Variants in PGGT1B observed in about 807,000 individuals in gnomAD.
PGGT1B encodes geranylgeranyl transferase type-1 subunit beta.
In PGGT1B, 30 loss-of-function variants were observed where a neutral mutation model predicts 46.1. The observed-to-expected ratio is 0.65, with a 90% CI of 0.49 to 0.88. The LOEUF (loss-of-function observed/expected upper bound fraction) is 0.88, where lower values mean the gene tolerates loss of function less well. Among genes scored for constraint, PGGT1B ranks in the 40% least tolerant of loss-of-function variants. The pLI is 0.00. For missense variants in PGGT1B, 376 were observed against 455.9 expected (o/e 0.82, Z 1.60); for synonymous variants, 170 against 160.0 (o/e 1.06, Z -0.47).
intron 6 of PGGT1B, among the ~76,000 whole-genome samples, chr5:115,229,378 C>A (rs559192184): frequency 1.3e-5 from 2 of 152,020 alleles, no homozygotes; most frequent in African/African-American, 4.8e-5. Flanking sequence ...TCCTCTAGGG[C>A]TTTAGGCCTC....
chr5:115,243,981 C>T (rs187997108), intron 2 of PGGT1B, among the ~76,000 whole-genome samples: 14 of 152,206 alleles, frequency 9.2e-5, no homozygotes, highest in African/African-American at 3.1e-4. Context: ...TTTCTGTGTT[C>T]GTCTGCTGTT....
intron 6 of PGGT1B, among the ~76,000 whole-genome samples, chr5:115,228,766 C>A (rs1190818551): frequency 6.6e-6 from 1 of 151,878 alleles, no homozygotes; most frequent in Non-Finnish European, 1.5e-5. Context: ...GGAAGTAGGA[C>A]AAGTGGAATG....
At position 115,262,846 on chromosome 5, in the gene PGGT1B, C is replaced by A. The variant is rs1748627565; in HGVS notation, c.6G>T (p.Ala2=). Reference sequence around the variant, plus strand: ...CTGCTAGCCTCTCATCCTCAGTGGCCGCCATGCTGCTCCGGAAGCGACGTC... The same window carrying A: ...CTGCTAGCCTCTCATCCTCAGTGGCAGCCATGCTGCTCCGGAAGCGACGTC... M[A]ATEDERLAGS... The change falls in exon 1 of 9, where the codon GCG becomes GCT. Residue 2 remains alanine, a synonymous_variant. Transcript: ENST00000419445. The A allele has an allele frequency of 1.9e-6, 3 of 1,612,140 alleles. No homozygotes were observed. The highest frequency in any genetic ancestry group is 2.5e-6 in the Non-Finnish European group (3 of 1,179,868).
At chr5:115,213,691 A>C (rs1445189065) in intron 8 of PGGT1B, among the ~76,000 whole-genome samples, 1 of 152,096 alleles carries the variant, frequency 6.6e-6, no homozygotes, top group Non-Finnish European at 1.5e-5. Context: ...GGCTCACCTG[A>C]GCCTAGGGAG....
chr5:115,262,535 C>G (rs893727411), intron 1 of PGGT1B, 177 bp downstream of exon 1: 1 of 680,818 alleles, frequency 1.5e-6, no homozygotes, highest in African/African-American at 1.8e-5. Context: ...GCCTTCCAGA[C>G]CTTCCCACCG....
intron 1 of PGGT1B, among the ~76,000 whole-genome samples, chr5:115,258,976 G>A (rs1404913676): frequency 3.3e-5 from 5 of 152,114 alleles, no homozygotes; most frequent in South Asian, 2.1e-4. Context: ...GACCTTAGAC[G>A]TTCTCTGCTG....
chr5:115,209,707 T>C lies in PGGT1B; in HGVS notation c.*2695A>G, dbSNP rs1325580112. 5.3e-5 allele frequency: 8 copies of C among 152,146 alleles called. 1 individual carries two copies. The South Asian group carries it at 8.3e-4, about 16-fold the overall frequency. The allele number at this position is 152,146 out of a possible 1,614,324, so 9.4% of individuals were successfully genotyped here. A position where few individuals can be genotyped will look rare whatever the true frequency, so the allele number is the denominator to read the frequency against. Reference sequence around the variant, plus strand: ...GTTAAACTGTTAAGACCTCTTTCTGTTGTAGAAGAGAGGTTTTAATTACAA... The same window carrying C: ...GTTAAACTGTTAAGACCTCTTTCTGCTGTAGAAGAGAGGTTTTAATTACAA... On this transcript the variant is annotated 3_prime_UTR_variant, in exon 9 of 9. Transcript: ENST00000419445.
At chr5:115,223,356 A>G (rs1191575527) in intron 6 of PGGT1B, among the ~76,000 whole-genome samples, 1 of 152,124 alleles carries the variant, frequency 6.6e-6, no homozygotes, top group South Asian at 2.1e-4. Context: ...TGAAATGGGG[A>G]GATTATTCGG....
At chr5:115,262,559 TG>T in intron 1 of PGGT1B, 152 bp downstream of exon 1, 1 of 762,766 alleles carries the variant, frequency 1.3e-6, no homozygotes, top group Non-Finnish European at 2.1e-6. Context: ...GGCGGGAGAG[TG>T]GGGGTAACCT....
chr5:115,234,630 A>G (rs1370964856), intron 5 of PGGT1B, among the ~76,000 whole-genome samples: 1 of 152,102 alleles, frequency 6.6e-6, no homozygotes, highest in African/African-American at 2.4e-5. Flanking sequence ...AAATAAAATA[A>G]GTAACTGGAG....
chr5:115,239,382 A>G (rs1757282673), intron 3 of PGGT1B, among the ~76,000 whole-genome samples: 1 of 152,186 alleles, frequency 6.6e-6, no homozygotes, highest in Admixed American at 6.5e-5. Flanking sequence ...AAATGTACCA[A>G]GCAAATTTCC....
intron 6 of PGGT1B, among the ~76,000 whole-genome samples, chr5:115,227,111 T>C (rs568088416): frequency 1.2e-4 from 18 of 152,190 alleles, no homozygotes; most frequent in African/African-American, 3.6e-4. Context: ...TGGAATCAGA[T>C]TACAGAGGAA....
At chr5:115,224,853 T>C (rs1339247671) in intron 6 of PGGT1B, among the ~76,000 whole-genome samples, 1 of 135,682 alleles carries the variant, frequency 7.4e-6, no homozygotes, top group Non-Finnish European at 1.6e-5. Context: ...AAAAAAAAAG[T>C]AGTAGTATGT....
chr5:115,213,764 C>T (rs1235823371), intron 8 of PGGT1B, among the ~76,000 whole-genome samples: 2 of 152,054 alleles, frequency 1.3e-5, no homozygotes, highest in Non-Finnish European at 2.9e-5. Context: ...ATAATGAAAC[C>T]CTGTCTCAAA....
chr5:115,220,067 T>C (rs1454240542), intron 7 of PGGT1B, among the ~76,000 whole-genome samples: 2 of 151,788 alleles, frequency 1.3e-5, no homozygotes, highest in African/African-American at 4.8e-5. Context: ...AGAACTACCA[T>C]ATGACCCAGC....
At chr5:115,258,876 T>C (rs574831207) in intron 1 of PGGT1B, among the ~76,000 whole-genome samples, 4 of 152,312 alleles carry the variant, frequency 2.6e-5, no homozygotes, top group Non-Finnish European at 5.9e-5. Flanking sequence ...TCCTCAGCTA[T>C]TGCAATATAC....
Position 115,206,134 on chromosome 5 carries a change from T to A in PGGT1B, c.*6268A>T, listed in dbSNP as rs1756055885. On this transcript the variant is annotated 3_prime_UTR_variant, in exon 9 of 9. Coordinates refer to ENST00000419445, the MANE Select transcript of PGGT1B (RefSeq NM_005023.4). ...TTTATGTATAGTATACATACATATA[T>A]CTATTTGTATAAGTATATATTGTAT... 1 of 151,896 alleles carries A rather than the reference T, an allele frequency of 6.6e-6. No individual in the cohort carries two copies. The highest frequency in any genetic ancestry group is 2.4e-5 in the African/African-American group (1 of 41,414). The allele number at this position is 151,896 out of a possible 1,614,324, so 9.4% of individuals were successfully genotyped here. A position where few individuals can be genotyped will look rare whatever the true frequency, so the allele number is the denominator to read the frequency against.
chr5:115,212,279 C>G lies in PGGT1B; in HGVS notation c.*123G>C, dbSNP rs902010595. ...TCAAGACCATATCCCAAAGTGAAAT[C>G]AGCAGGAGATTTGATTGTAAGACTC... On this transcript the variant is annotated 3_prime_UTR_variant, in exon 9 of 9. Transcript: ENST00000419445. 1.3e-6 allele frequency: 2 copies of G among 1,496,642 alleles called. No individual in the cohort carries two copies. Among genetic ancestry groups the G allele is most frequent in the African/African-American group, 1.4e-5 (1 of 70,974 alleles). The allele number at this position is 1,496,642 out of a possible 1,614,324, so 92.7% of individuals were successfully genotyped here.
rs774871753 is a variant in PGGT1B, at chr5:115,262,871, C to T, written c.-20G>A. ...CGCCATGCTGCTCCGGAAGCGACGTCCGCCGCGACCCGGAATCAGTGCCCG... is the reference window on the plus strand; with the variant it reads ...CGCCATGCTGCTCCGGAAGCGACGTTCGCCGCGACCCGGAATCAGTGCCCG... On this transcript the variant is annotated 5_prime_UTR_variant, in exon 1 of 9. Transcript: ENST00000419445. 4.3e-6 allele frequency: 7 copies of T among 1,611,034 alleles called. No homozygotes were observed. The East Asian group carries it at 1.3e-4, about 31-fold the overall frequency.
Sources: allele counts gnomAD v4.1 joint callset (sites outside exome capture counted in the v4.1 genomes callset), GRCh38; gene constraint gnomAD v4.1.1; transcripts MANE v1.5; gene names NCBI Gene and HGNC (gene_info 2026-07-23, HGNC 2026-07-21).